Variants in PPP3CC observed in about 807,000 individuals in gnomAD.
PPP3CC encodes serine/threonine-protein phosphatase 2B catalytic subunit gamma isoform.
Under a neutral mutation model 60.3 loss-of-function variants are expected in PPP3CC, and 35 were observed. That is an observed-to-expected ratio of 0.58 (90% CI 0.44 to 0.77). The LOEUF is 0.77. Ranked by LOEUF, PPP3CC falls within the 30% of genes least tolerant of loss-of-function variation. PPP3CC has a pLI of 0.00. For missense variants in PPP3CC, 570 were observed against 628.9 expected, an observed-to-expected ratio of 0.91 and a Z score of 1.00; for synonymous variants, 206 against 224.3, an observed-to-expected ratio of 0.92 and a Z score of 0.73.
intron 1 of PPP3CC, among the ~76,000 whole-genome samples, chr8:22,464,003 G>T (rs1837442132): frequency 6.6e-6 from 1 of 152,014 alleles, no homozygotes; most frequent in Non-Finnish European, 1.5e-5. Flanking sequence ...GGTCAGGCTG[G>T]TCTCGAACTC....
chr8:22,511,011 T>G, intron 4 of PPP3CC, 75 bp from the exon 5 acceptor site: 9 of 1,418,026 alleles, frequency 6.3e-6, no homozygotes, highest in South Asian at 1.3e-5. Context: ...TAGCTTCATA[T>G]TCTCCTGGCC....
At chr8:22,514,238 A>G (rs1009681998) in intron 6 of PPP3CC, among the ~76,000 whole-genome samples, 3 of 134,304 alleles carry the variant, frequency 2.2e-5, no homozygotes, top group African/African-American at 8.8e-5. Flanking sequence ...ACAGAGCAAG[A>G]CTCTGTCTCC....
chr8:22,446,752 A>T (rs773732082), intron 1 of PPP3CC, among the ~76,000 whole-genome samples: 3 of 147,170 alleles, frequency 2.0e-5, no homozygotes, highest in Non-Finnish European at 3.0e-5. Context: ...GTTGCAGTGA[A>T]CTGAGATTGC....
intron 1 of PPP3CC, among the ~76,000 whole-genome samples, chr8:22,447,971 G>C (rs551866554): frequency 6.6e-6 from 1 of 152,332 alleles, no homozygotes; most frequent in South Asian, 2.1e-4. Flanking sequence ...AGTTCATGAA[G>C]GTTTTTTTGC....
At chr8:22,478,161 T>A (rs1304572987) in intron 3 of PPP3CC, among the ~76,000 whole-genome samples, 1 of 149,538 alleles carries the variant, frequency 6.7e-6, no homozygotes, top group Non-Finnish European at 1.5e-5. Context: ...TAAAACAACT[T>A]TTTTTTTTGA....
chr8:22,475,521 A>T lies in PPP3CC; in HGVS notation c.269A>T (p.Gln90Leu), dbSNP rs776263969. The T allele has an allele frequency of 6.2e-7, 1 of 1,610,412 alleles. No individual in the cohort carries two copies. Among genetic ancestry groups the T allele is most frequent in the East Asian group, 2.2e-5 (1 of 44,792 alleles). The change falls in exon 3 of 14, where the codon CAA (glutamine) becomes CTA (leucine). Residue 90 changes from glutamine (Q) to leucine (L), a missense_variant. Gln to Leu is a moderately radical substitution (Grantham distance 113, BLOSUM62 -2). Coordinates refer to ENST00000240139, the MANE Select transcript of PPP3CC (RefSeq NM_005605.5). ...PITVCGDIHG[Q>L]FFDLMKLFEV... The stretch of plus-strand genomic sequence containing the variant: ...CTAGTATGTGGTGATATTCATGGAC[A>T]ATTCTTTGACCTAATGAAGTTATTT...
intron 6 of PPP3CC, among the ~76,000 whole-genome samples, chr8:22,513,943 A>T (rs2204103): frequency 6.6e-6 from 1 of 152,192 alleles, no homozygotes; most frequent in East Asian, 1.9e-4. Context: ...TTATGATTAG[A>T]CACTCAAAAA....
In PPP3CC at chr8:22,479,427, C is replaced by G. The variant is rs1837995050; in HGVS notation, c.372+3803C>G. 2.0e-5 allele frequency among the ~76,000 whole-genome samples: 3 copies of G among 152,124 alleles called. No homozygotes were observed. In the South Asian group the frequency reaches 6.2e-4, roughly 32 times the overall value. On this transcript the variant is annotated intron_variant, in intron 3 of 13. Coordinates refer to ENST00000240139, the MANE Select transcript of PPP3CC (RefSeq NM_005605.5). ...CTCCTTTTCTGATCTTCTTTTTCCACTCAAGATTGTATGGAAAGCATTTTT... is the reference window on the plus strand; with the variant it reads ...CTCCTTTTCTGATCTTCTTTTTCCAGTCAAGATTGTATGGAAAGCATTTTT...
chr8:22,456,442 A>G (rs1837196647), intron 1 of PPP3CC, among the ~76,000 whole-genome samples: 1 of 152,170 alleles, frequency 6.6e-6, no homozygotes, highest in Non-Finnish European at 1.5e-5. Flanking sequence ...ATAGATTCAC[A>G]GGAGGTTGTA....
At chr8:22,516,408 C>G (rs76805155) in intron 6 of PPP3CC, among the ~76,000 whole-genome samples, 2,568 of 152,308 alleles carry the variant, frequency 0.017, 81 homozygotes, top group African/African-American at 0.058. Context: ...CAATATCTTT[C>G]AAAGGTATTT....
chr8:22,475,093 T>C lies in PPP3CC; in HGVS notation c.189T>C (p.Asp63=). Reference sequence around the variant, plus strand: ...AAGTAGCCTTAAAGATAATCAATGATGGGGCTGCCATCCTGAGGCAAGAGA... The same window carrying C: ...AAGTAGCCTTAAAGATAATCAATGACGGGGCTGCCATCCTGAGGCAAGAGA... The part of the protein sequence containing the change: ...EEEVALKIIN[D]GAAILRQEKT... Residue 63 remains aspartate (D), a synonymous_variant, in exon 2 of 14, where the codon GAT becomes GAC. Transcript: ENST00000240139. 6.2e-7 allele frequency: 1 copy of C among 1,613,778 alleles called. No individual in the cohort carries two copies. Among genetic ancestry groups the C allele is most frequent in the Non-Finnish European group, 8.5e-7 (1 of 1,179,808 alleles).
At chr8:22,515,913 C>CTTTAT (rs71206525) in intron 6 of PPP3CC, among the ~76,000 whole-genome samples, 7,132 of 144,566 alleles carry the variant, frequency 0.049, 230 homozygotes, top group East Asian at 0.093. Context: ...CTTTCTTCTT[C>CTTTAT]TTTATTTTAT....
intron 3 of PPP3CC, among the ~76,000 whole-genome samples, chr8:22,485,770 T>C (rs565459829): frequency 1.4e-4 from 21 of 152,250 alleles, no homozygotes; most frequent in East Asian, 3.9e-4. Flanking sequence ...GCAGACAGAA[T>C]GGTATGTCCG....
At chr8:22,508,951 T>C (rs1354159156) in intron 4 of PPP3CC, among the ~76,000 whole-genome samples, 3 of 152,218 alleles carry the variant, frequency 2.0e-5, no homozygotes, top group African/African-American at 4.8e-5. Context: ...GAGCTCCTAA[T>C]AAAGTTAGCA....
At chr8:22,503,035 G>A (rs1046738621) in intron 4 of PPP3CC, among the ~76,000 whole-genome samples, 4 of 151,912 alleles carry the variant, frequency 2.6e-5, no homozygotes, top group Non-Finnish European at 5.9e-5. Context: ...ATCCTCTCTA[G>A]TATTGTTTGA....
chr8:22,520,479 G>A (rs1412347151), intron 6 of PPP3CC, among the ~76,000 whole-genome samples: 4 of 152,038 alleles, frequency 2.6e-5, no homozygotes, highest in Admixed American at 6.6e-5. Flanking sequence ...CATAAGTCCT[G>A]TATACTTTCC....
chr8:22,472,815 T>G (rs7012734), intron 1 of PPP3CC, among the ~76,000 whole-genome samples: 1 of 152,254 alleles, frequency 6.6e-6, no homozygotes, highest in Admixed American at 6.5e-5. Context: ...TTTTTCTTTC[T>G]CCAGCAAACT....
intron 4 of PPP3CC, chr8:22,510,845 T>C (rs1289088131): frequency 4.4e-6 from 2 of 452,576 alleles, no homozygotes; most frequent in East Asian, 7.4e-5. Flanking sequence ...AGTCACCTTA[T>C]CACATTTCCA....
rs7430 is a variant in PPP3CC at position 22,540,901 on chromosome 8, G to A, written c.*99G>A. ...AAAAGCAACTCAAAACAACTTCAAC[G>A]TGGAGGTGCATTTATAATTCAGTCT... On this transcript the variant is annotated 3_prime_UTR_variant, in exon 14 of 14. Coordinates refer to ENST00000240139, the MANE Select transcript of PPP3CC (RefSeq NM_005605.5). The A allele has an allele frequency of 6.1e-6, 7 of 1,145,790 alleles. No homozygotes were observed. The highest frequency in any genetic ancestry group is 8.1e-6 in the Non-Finnish European group (7 of 860,530). The allele number at this position is 1,145,790 out of a possible 1,614,324, so 71.0% of individuals were successfully genotyped here.
Sources: gnomAD v4.1 joint callset for allele counts (sites outside exome capture counted in the v4.1 genomes callset) on GRCh38, gnomAD v4.1.1 for gene constraint, MANE v1.5 for transcripts, NCBI Gene and HGNC (gene_info 2026-07-23, HGNC 2026-07-21) for gene names.